The following WLS variants were observed in gnomAD, a reference collection of about 807,000 sequenced individuals.
WLS encodes the protein protein wntless homolog.
A neutral mutation model predicts 62.8 loss-of-function variants in WLS; 23 were observed. That is an observed-to-expected ratio of 0.37 (90% confidence interval 0.26 to 0.52). The LOEUF (loss-of-function observed/expected upper bound fraction) is 0.52, where lower values mean the gene tolerates loss of function less well. Ranked by LOEUF, WLS falls within the 20% of genes least tolerant of loss-of-function variation. WLS has a pLI of 0.92. For missense variants in WLS, 615 were observed against 697.3 expected, an observed-to-expected ratio of 0.88 and a Z score of 1.33; for synonymous variants, 246 against 244.1, an observed-to-expected ratio of 1.01 and a Z score of -0.07.
intron 11 of WLS, among the ~76,000 whole-genome samples, chr1:68,130,888 TC>T (rs1208528169): frequency 2.5e-5 from 3 of 120,338 alleles, no homozygotes; most frequent in Admixed American, 9.3e-5. Flanking sequence ...GGTTTCTTCT[TC>T]TTTTTTTTTT....
rs543964530 is a variant in WLS at position 68,125,489 on chromosome 1, A to G, written c.*737T>C. The G allele has an allele frequency of 1.0e-4, 102 of 985,450 alleles. 1 individual carries two copies. The African/African-American group carries it at 1.5e-3, about 15-fold the overall frequency. The allele number at this position is 985,450 out of a possible 1,614,324, so 61.0% of individuals were successfully genotyped here. A position where few individuals can be genotyped will look rare whatever the true frequency, so the allele number is the denominator to read the frequency against. The stretch of plus-strand genomic sequence containing the variant: ...CAAAATAAAACGCATTTTAAGCAAG[A>G]AGTTAAAAAAGCTTTTCAGACCCGA... On this transcript the variant is annotated 3_prime_UTR_variant, in exon 12 of 12. Coordinates refer to ENST00000262348, the MANE Select transcript of WLS (RefSeq NM_024911.7).
chr1:68,107,297 AT>A (rs11346197), intron 11 of WLS, among the ~76,000 whole-genome samples: 89,172 of 149,334 alleles, frequency 0.6, 26,901 homozygotes, highest in Middle Eastern at 0.76. Flanking sequence ...GAATAGCTAG[AT>A]TTTTTTTTTT....
rs1646264349 is a variant in WLS, at chr1:68,114,358, C to T, written c.1511-15605G>A. On this transcript the variant is annotated intron_variant, in intron 11 of 11. Transcript: ENST00000354777. Reference sequence around the variant, plus strand: ...ATGTCATTTGGAGAAATTTAGGAGCCAATATAAGCATTCCTTATTTGTCAT... The same window carrying T: ...ATGTCATTTGGAGAAATTTAGGAGCTAATATAAGCATTCCTTATTTGTCAT... Among the ~76,000 whole-genome samples the T allele has an allele frequency of 1.3e-5, 2 of 152,090 alleles. 1 individual carries two copies. The highest frequency in any genetic ancestry group is 4.2e-4 in the South Asian group (2 of 4,810).
chr1:68,111,202 G>A (rs1646224901), intron 11 of WLS, among the ~76,000 whole-genome samples: 1 of 152,180 alleles, frequency 6.6e-6, no homozygotes, highest in African/African-American at 2.4e-5. Context: ...AGTAGCCTGA[G>A]CTAAGACAGC....
intron 11 of WLS, among the ~76,000 whole-genome samples, chr1:68,109,462 T>A (rs940293565): frequency 2.6e-5 from 4 of 152,228 alleles, no homozygotes; most frequent in Non-Finnish European, 4.4e-5. Flanking sequence ...GAACTTTAAA[T>A]GTTGGAATGA....
intron 1 of WLS, among the ~76,000 whole-genome samples, chr1:68,225,206 G>T (rs1650093781): frequency 6.6e-6 from 1 of 151,950 alleles, no homozygotes; most frequent in South Asian, 2.1e-4. Flanking sequence ...GGTAGTAAGA[G>T]GCTATAGAAA....
chr1:68,162,694 T>C (rs1570924779), intron 2 of WLS: 2 of 1,219,304 alleles, frequency 1.6e-6, no homozygotes, highest in Admixed American at 3.6e-5. Flanking sequence ...GTCCGGTGTC[T>C]CTTCCACGGC....
At chr1:68,192,768 T>TAAA (rs1298320437) in intron 2 of WLS, among the ~76,000 whole-genome samples, 3 of 11,376 alleles carry the variant, frequency 2.6e-4, no homozygotes, top group South Asian at 5.2e-3. Flanking sequence ...CTCTGTCTCT[T>TAAA]AAAAAAAAAA....
chr1:68,126,440 T>G, intron 11 of WLS, 105 bp from the exon 12 acceptor site: 1 of 1,452,646 alleles, frequency 6.9e-7, no homozygotes, highest in Non-Finnish European at 9.4e-7. Context: ...TTTGACATTC[T>G]GAGCACACAG....
chr1:68,114,688 T>C (rs1242617180), intron 11 of WLS, among the ~76,000 whole-genome samples: 3 of 152,158 alleles, frequency 2.0e-5, no homozygotes, highest in African/African-American at 7.2e-5. Context: ...GTCCCCTTTA[T>C]CCCTCGAGCC....
chr1:68,167,072 G>C (rs1315492054), intron 2 of WLS, among the ~76,000 whole-genome samples: 1 of 152,138 alleles, frequency 6.6e-6, no homozygotes, highest in Non-Finnish European at 1.5e-5. Flanking sequence ...AGCAGACCTG[G>C]TTCCTTACCT....
intron 2 of WLS, among the ~76,000 whole-genome samples, chr1:68,179,911 TTTGA>T (rs1315515783): frequency 6.6e-6 from 1 of 152,108 alleles, no homozygotes; most frequent in Non-Finnish European, 1.5e-5. Context: ...TAAGAGAGAA[TTTGA>T]TTGCTTCCCC....
intron 1 of WLS, among the ~76,000 whole-genome samples, chr1:68,215,412 C>T (rs2100652729): frequency 6.6e-6 from 1 of 152,324 alleles, no homozygotes; most frequent in African/African-American, 2.4e-5. Flanking sequence ...AAGATATTAT[C>T]AGCACATTGG....
chr1:68,101,249 C>A (rs1646074192), intron 11 of WLS, among the ~76,000 whole-genome samples: 1 of 152,122 alleles, frequency 6.6e-6, no homozygotes, highest in African/African-American at 2.4e-5. Context: ...TGAAATAATA[C>A]AAAGCACCTA....
At chr1:68,108,223 T>C (rs1043869241) in intron 11 of WLS, among the ~76,000 whole-genome samples, 2 of 152,202 alleles carry the variant, frequency 1.3e-5, no homozygotes, top group Non-Finnish European at 2.9e-5. Flanking sequence ...GAACTCTGGA[T>C]GCCTGGTCCC....
At chr1:68,142,570 C>T (rs1646700562) in intron 10 of WLS, 1 of 152,214 alleles carries the variant, frequency 6.6e-6, no homozygotes, top group Non-Finnish European at 1.5e-5. Context: ...GAATAAAACA[C>T]TCTTTCAGAG....
intron 1 of WLS, among the ~76,000 whole-genome samples, chr1:68,204,527 T>C (rs972909877): frequency 6.6e-6 from 1 of 152,142 alleles, no homozygotes; most frequent in African/African-American, 2.4e-5. Context: ...CAGGATGGTC[T>C]CCATCTCCTG....
chr1:68,129,075 G>A (rs941440071), intron 11 of WLS, among the ~76,000 whole-genome samples: 3 of 152,022 alleles, frequency 2.0e-5, no homozygotes, highest in Admixed American at 6.6e-5. Context: ...CTGTAATCCC[G>A]GCACTTTGGG....
At chr1:68,222,984 C>T (rs1219790753) in intron 1 of WLS, among the ~76,000 whole-genome samples, 1 of 152,000 alleles carries the variant, frequency 6.6e-6, no homozygotes, top group African/African-American at 2.4e-5. Flanking sequence ...TCCCAGAGAC[C>T]CCTGAATCCC....
Sources: allele counts gnomAD v4.1 joint callset (sites outside exome capture counted in the v4.1 genomes callset), GRCh38; gene constraint gnomAD v4.1.1; transcripts MANE v1.5; gene names NCBI Gene and HGNC (gene_info 2026-07-23, HGNC 2026-07-21).